WWOX: variants seen among roughly 807,000 people sequenced by gnomAD.
The protein encoded by WWOX is WW domain-containing oxidoreductase.
In WWOX, 69 loss-of-function variants were observed where a neutral mutation model predicts 46.2. That is an observed-to-expected ratio of 1.49 (90% confidence interval 1.23 to 1.82). The LOEUF (loss-of-function observed/expected upper bound fraction) is 1.82, where lower values mean the gene tolerates loss of function less well. WWOX is among the 40% of genes most tolerant of loss of function. WWOX has a pLI of 0.00. For synonymous variants in WWOX, 359 were observed against 202.6 expected (o/e 1.77, Z -6.56); for missense variants, 919 against 542.6 (o/e 1.69, Z -6.89).
chr16:78,996,302 C>T, intron 8 of WWOX: 3 of 984,080 alleles, frequency 3.0e-6, no homozygotes, highest in Non-Finnish European at 3.6e-6. Context: ...TGGATCTTGC[C>T]TTGTGGATGT....
At chr16:78,421,010 C>G (rs977340848) in intron 6 of WWOX, among the ~76,000 whole-genome samples, 5 of 152,048 alleles carry the variant, frequency 3.3e-5, no homozygotes, top group Admixed American at 3.3e-4. Context: ...ATCCACTTCT[C>G]TGTTGTTGGA....
chr16:78,203,930 C>T lies in WWOX; in HGVS notation c.516+39641C>T, dbSNP rs74027934. 4.6e-3 allele frequency among the ~76,000 whole-genome samples: 703 copies of T among 152,298 alleles called. 7 individuals are homozygous for T. Among genetic ancestry groups the T allele is most frequent in the African/African-American group, 0.016 (686 of 41,576 alleles). On this transcript the variant is annotated intron_variant, in intron 5 of 8. Transcript: ENST00000566780. ...CCTGGGCTAACAGTGAGTGTGGAAG[C>T]TTGCTGCCTTGAATTCTTTCCAATT...
chr16:78,585,688 TTTTTTTTTG>T (rs1160368184), intron 8 of WWOX, among the ~76,000 whole-genome samples: 12 of 111,212 alleles, frequency 1.1e-4, no homozygotes, highest in East Asian at 6.3e-4. Context: ...TTTTTTTTTG[TTTTTTTTTG>T]TTTTTTTTGT....
intron 8 of WWOX, among the ~76,000 whole-genome samples, chr16:79,086,276 T>C (rs1230757059): frequency 2.0e-5 from 3 of 152,202 alleles, no homozygotes; most frequent in Non-Finnish European, 4.4e-5. Context: ...ATCCTTCCAA[T>C]TGTTAAGTTC....
intron 8 of WWOX, among the ~76,000 whole-genome samples, chr16:78,971,149 A>G (rs1004513522): frequency 2.0e-5 from 3 of 152,176 alleles, no homozygotes; most frequent in African/African-American, 7.2e-5. Context: ...TTCCTGAGCA[A>G]TCGCTGTGGT....
At chr16:79,109,942 T>C (rs2150652876) in intron 8 of WWOX, among the ~76,000 whole-genome samples, 1 of 152,326 alleles carries the variant, frequency 6.6e-6, no homozygotes, top group South Asian at 2.1e-4. Flanking sequence ...GCTTAAAATG[T>C]CAGTTGCATG....
At chr16:78,601,205 T>C (rs1468517885) in intron 8 of WWOX, among the ~76,000 whole-genome samples, 41 of 152,166 alleles carry the variant, frequency 2.7e-4, no homozygotes, top group Admixed American at 2.7e-3. Flanking sequence ...CAAGATTCCT[T>C]TCTTCTTCAG....
Position 78,591,053 on chromosome 16 carries a change from T to G in WWOX, c.1056+158301T>G, listed in dbSNP as rs148839868. Among the ~76,000 whole-genome samples the G allele has an allele frequency of 5.8e-3, 882 of 152,300 alleles. 31 individuals carry two copies. Among genetic ancestry groups the G allele is most frequent in the Admixed American group, 0.052 (791 of 15,300 alleles). ...TGAAAATGTGTTATCTGCCCTAGTC[T>G]GAAGTACAGAAGTCAGGTGGTGAGA... On this transcript the variant is annotated intron_variant, in intron 8 of 8. Transcript: ENST00000566780.
At chr16:78,909,828 G>A (rs1178818301) in intron 8 of WWOX, among the ~76,000 whole-genome samples, 1 of 152,196 alleles carries the variant, frequency 6.6e-6, no homozygotes, top group East Asian at 1.9e-4. Flanking sequence ...GCCAGTTACT[G>A]TCTGGGAATC....
intron 8 of WWOX, among the ~76,000 whole-genome samples, chr16:78,472,744 G>C (rs897914121): frequency 3.4e-5 from 5 of 148,980 alleles, no homozygotes; most frequent in Admixed American, 2.7e-4. Context: ...GGGAAGTGGA[G>C]GTTGCAGTGA....
intron 8 of WWOX, chr16:78,891,142 C>T (rs1033671568): frequency 3.3e-5 from 5 of 152,108 alleles, no homozygotes; most frequent in Non-Finnish European, 7.3e-5. Context: ...TTTAAATCTT[C>T]CTTTAGTTCT....
chr16:79,141,339 T>G (rs2050085404), intron 8 of WWOX, among the ~76,000 whole-genome samples: 1 of 152,214 alleles, frequency 6.6e-6, no homozygotes. Flanking sequence ...CTAGAATGTG[T>G]ACAACCAAAC....
At chr16:78,772,110 A>C (rs1049418565) in intron 8 of WWOX, among the ~76,000 whole-genome samples, 1 of 152,136 alleles carries the variant, frequency 6.6e-6, no homozygotes, top group African/African-American at 2.4e-5. Flanking sequence ...TCATGTCACA[A>C]AGGTTTGTTG....
At chr16:78,948,746 C>G (rs2045998455) in intron 8 of WWOX, among the ~76,000 whole-genome samples, 1 of 152,234 alleles carries the variant, frequency 6.6e-6, no homozygotes, top group South Asian at 2.1e-4. Flanking sequence ...GTTGGCATTA[C>G]TCCTATGGTG....
rs1200421287 is a variant in WWOX at position 78,859,000 on chromosome 16, TTAAAAAAAAAAAAAAA to T, written c.1057-352607_1057-352592del. On this transcript the variant is annotated intron_variant, in intron 8 of 8. Transcript: ENST00000566780. ...GGCCAATATCTACTAGTTTTGAAAT[TTAAAAAAAAAAAAAAA>T]AAAAAAAAAAAATATATATATATAT... Among the ~76,000 whole-genome samples the T allele has an allele frequency of 1.6e-3, 130 of 79,866 alleles. 4 individuals are homozygous for T. The highest frequency in any genetic ancestry group is 7.4e-3 in the African/African-American group (126 of 17,090). The allele number at this position is 79,866 out of a possible 152,430, so 52.4% of individuals were successfully genotyped here.
intron 8 of WWOX, among the ~76,000 whole-genome samples, chr16:79,121,373 G>T (rs2049627949): frequency 6.6e-6 from 1 of 152,198 alleles, no homozygotes; most frequent in Non-Finnish European, 1.5e-5. Flanking sequence ...TTTACGCATT[G>T]TGTTTACAAC....
chr16:78,356,778 A>G (rs569593850), intron 5 of WWOX, among the ~76,000 whole-genome samples: 1 of 152,238 alleles, frequency 6.6e-6, no homozygotes, highest in East Asian at 1.9e-4. Flanking sequence ...GCGACTCGGG[A>G]GGCTGAGGCA....
chr16:78,697,192 G>A (rs914568710), intron 8 of WWOX, among the ~76,000 whole-genome samples: 4 of 152,210 alleles, frequency 2.6e-5, no homozygotes, highest in Non-Finnish European at 4.4e-5. Flanking sequence ...TAGTGGGATT[G>A]CTGGATCAAA....
chr16:78,707,755 C>A (rs1389049917), intron 8 of WWOX, among the ~76,000 whole-genome samples: 3 of 151,882 alleles, frequency 2.0e-5, no homozygotes, highest in East Asian at 3.9e-4. Flanking sequence ...TGGTGGTGCA[C>A]ACCTGTAGTC....
Sources: allele counts gnomAD v4.1 joint callset (sites outside exome capture counted in the v4.1 genomes callset), GRCh38; gene constraint gnomAD v4.1.1; transcripts MANE v1.5; gene names NCBI Gene and HGNC (gene_info 2026-07-23, HGNC 2026-07-21).